CRACDL: variants seen among roughly 807,000 people sequenced by gnomAD.
The protein encoded by CRACDL is CRACD like, also known as CRACD-like protein.
CRACDL carries 26 observed loss-of-function variants against 70.6 expected under a neutral mutation model. The observed-to-expected ratio is 0.37, with a 90% confidence interval of 0.27 to 0.51. The LOEUF (loss-of-function observed/expected upper bound fraction) is 0.51, where lower values mean the gene tolerates loss of function less well. CRACDL is among the 20% of genes least tolerant of loss of function. CRACDL has a pLI of 0.94. For synonymous variants in CRACDL, 618 were observed against 615.2 expected, an observed-to-expected ratio of 1.00 and a Z score of -0.07; for missense variants, 1,283 against 1,376.9, an observed-to-expected ratio of 0.93 and a Z score of 1.08.
intron 1 of CRACDL, among the ~76,000 whole-genome samples, chr2:98,892,485 G>T (rs1468349762): frequency 6.6e-6 from 1 of 151,946 alleles, no homozygotes; most frequent in Non-Finnish European, 1.5e-5. Context: ...GAGGTAAAGA[G>T]TTCGAGTCCA....
chr2:98,833,035 C>T, intron 3 of CRACDL, 38 bp from the exon 4 acceptor site: 1 of 1,576,268 alleles, frequency 6.3e-7, no homozygotes, highest in Middle Eastern at 1.7e-4. Flanking sequence ...CTGCCCACCT[C>T]CATCTTACTG....
At chr2:98,848,655 CT>C (rs1195241267) in intron 1 of CRACDL, among the ~76,000 whole-genome samples, 1 of 152,222 alleles carries the variant, frequency 6.6e-6, no homozygotes, top group Non-Finnish European at 1.5e-5. Flanking sequence ...ACATTTTTAG[CT>C]CACTGCATCC....
intron 1 of CRACDL, among the ~76,000 whole-genome samples, chr2:98,922,789 G>A (rs546982405): frequency 1.3e-4 from 20 of 152,184 alleles, no homozygotes; most frequent in South Asian, 1.2e-3. Flanking sequence ...GAGGGGCCTG[G>A]GATGTCTCAT....
Position 98,796,179 on chromosome 2 carries a change from G to T in CRACDL, c.2690C>A (p.Ala897Glu). 6.2e-7 allele frequency: 1 copy of T among 1,614,046 alleles called. No individual in the cohort carries two copies. The part of the protein sequence containing the change: ...VKPAVDRKQG[A>E]KLNFKEGLQR... The stretch of plus-strand genomic sequence containing the variant: ...CAGCCCCTCCTTGAAGTTGAGCTTT[G>T]CCCCCTGCTTCCGGTCCACAGCGGG... The change falls in exon 9 of 10, where the codon GCA becomes GAA. Residue 897 changes from alanine (A) to glutamate (E), a missense_variant. Ala to Glu is a moderately radical substitution (Grantham distance 107, BLOSUM62 -1). Around this residue, in one of 2 missense-constraint regions of CRACDL, gnomAD observed 921 missense variants for 881.9 expected, o/e 1.04. Coordinates refer to ENST00000397899, the MANE Select transcript of CRACDL (RefSeq NM_207362.3).
intron 1 of CRACDL, among the ~76,000 whole-genome samples, chr2:98,880,797 C>A (rs1033192696): frequency 6.6e-6 from 1 of 152,170 alleles, no homozygotes; most frequent in Non-Finnish European, 1.5e-5. Context: ...CGGGAGAGCC[C>A]CCAGCCGGGG....
chr2:98,795,077 A>ATATATATATTTTTTTTTTTTTTTTTTT, intron 9 of CRACDL, among the ~76,000 whole-genome samples: 1 of 58,510 alleles, frequency 1.7e-5, no homozygotes, highest in African/African-American at 6.6e-5. Flanking sequence ...ATATATATAT[A>ATATATATATTTTTTTTTTTTTTTTTTT]TTTTTTTTTT....
chr2:98,838,302 G>T lies in CRACDL; in HGVS notation c.71-15C>A. The T allele has an allele frequency of 6.9e-7, 1 of 1,458,330 alleles. No individual in the cohort carries two copies. The highest frequency in any genetic ancestry group is 1.8e-4 in the Middle Eastern group (1 of 5,690). 90.3% of individuals were successfully genotyped at this position (1,458,330 alleles called of 1,614,324 possible). ...TTTTTTCTTTCCTATACAGATTAGA[G>T]AAAAAAATAATAAATAAGACTGTTA... On this transcript the variant is annotated splice_polypyrimidine_tract_variant and intron_variant, in intron 2 of 9. Transcript: ENST00000397899.
intron 5 of CRACDL, among the ~76,000 whole-genome samples, chr2:98,831,072 C>T (rs1410791720): frequency 6.6e-6 from 1 of 152,148 alleles, no homozygotes; most frequent in African/African-American, 2.4e-5. Flanking sequence ...AGGGTTGGCT[C>T]GGTGAAGTCT....
At position 98,823,177 on chromosome 2, in the gene CRACDL, G is replaced by A. The variant is rs938347056; in HGVS notation, c.1096C>T (p.Pro366Ser). ...SPPEGPPNPGPDGGKQDGEAP... is the reference protein window; with the variant it reads ...SPPEGPPNPGSDGGKQDGEAP... ...TCCCCATCCTGCTTTCCGCCGTCGG[G>A]ACCGGGATTCGGGGGGCCCTCCGGC... The change falls in exon 7 of 10, where the codon CCC becomes TCC. Residue 366 changes from proline to serine, a missense_variant. This residue lies in a region of CRACDL where 921 missense variants were observed against 881.9 expected (regional missense o/e 1.04). Coordinates refer to ENST00000397899, the MANE Select transcript of CRACDL (RefSeq NM_207362.3). This position sits in a 1 kb window ranked among gnomAD's most constrained non-coding sequence, Gnocchi z 4.0. 35 of 1,517,392 alleles carry A rather than the reference G, an allele frequency of 2.3e-5. 1 individual carries two copies. Among genetic ancestry groups the A allele is most frequent in the Non-Finnish European group, 3.0e-5 (34 of 1,135,712 alleles). 94.0% of individuals were successfully genotyped at this position (1,517,392 alleles called of 1,614,324 possible). A position where few individuals can be genotyped will look rare whatever the true frequency, so the allele number is the denominator to read the frequency against.
intron 1 of CRACDL, among the ~76,000 whole-genome samples, chr2:98,893,621 T>C (rs1408492346): frequency 1.3e-5 from 2 of 152,232 alleles, no homozygotes; most frequent in South Asian, 2.1e-4. Flanking sequence ...TGTGTAAACA[T>C]ATCAAAAAGA....
At chr2:98,923,099 G>A (rs1281017491) in intron 1 of CRACDL, among the ~76,000 whole-genome samples, 1 of 151,780 alleles carries the variant, frequency 6.6e-6, no homozygotes, top group African/African-American at 2.4e-5. Context: ...GTGAAATCTC[G>A]TCTCTACTAA....
chr2:98,816,690 G>T (rs912244980), intron 7 of CRACDL, among the ~76,000 whole-genome samples: 1 of 152,190 alleles, frequency 6.6e-6, no homozygotes, highest in Admixed American at 6.5e-5. Flanking sequence ...GACATGCAAG[G>T]TTAAGACACA....
intron 7 of CRACDL, among the ~76,000 whole-genome samples, chr2:98,817,791 C>T (rs1338653478): frequency 6.6e-6 from 1 of 152,090 alleles, no homozygotes; most frequent in African/African-American, 2.4e-5. Flanking sequence ...TGTCACCAAC[C>T]CTGTCTGGAG....
intron 1 of CRACDL, among the ~76,000 whole-genome samples, chr2:98,913,472 G>A (rs1263589968): frequency 6.6e-6 from 1 of 152,188 alleles, no homozygotes; most frequent in Non-Finnish European, 1.5e-5. Flanking sequence ...GGGAGTACAA[G>A]ACTGGAGCCT....
chr2:98,854,499 T>C (rs1004201307), intron 1 of CRACDL, among the ~76,000 whole-genome samples: 1 of 152,042 alleles, frequency 6.6e-6, no homozygotes, highest in African/African-American at 2.4e-5. Context: ...GAAATACTTC[T>C]GCTCATCAAA....
At chr2:98,875,077 G>A (rs1383669721) in intron 1 of CRACDL, among the ~76,000 whole-genome samples, 4 of 152,214 alleles carry the variant, frequency 2.6e-5, no homozygotes, top group African/African-American at 7.2e-5. Flanking sequence ...AGCATCTTAT[G>A]AGATCAAACC....
chr2:98,907,719 T>C (rs1274733914), intron 1 of CRACDL, among the ~76,000 whole-genome samples: 1 of 152,232 alleles, frequency 6.6e-6, no homozygotes, highest in Non-Finnish European at 1.5e-5. Context: ...TGTTGTTCCA[T>C]TCTCGAAAAC....
chr2:98,904,781 C>A (rs1257282655), intron 1 of CRACDL, among the ~76,000 whole-genome samples: 2 of 152,148 alleles, frequency 1.3e-5, no homozygotes, highest in East Asian at 1.9e-4. Context: ...CATGGTTATA[C>A]CTGCTGATAT....
At chr2:98,839,641 T>C (rs1705934169) in intron 2 of CRACDL, among the ~76,000 whole-genome samples, 1 of 152,242 alleles carries the variant, frequency 6.6e-6, no homozygotes, top group Non-Finnish European at 1.5e-5. Flanking sequence ...GGCTTAGCCA[T>C]CCATTTGTTC....
Sources: gnomAD v4.1 joint callset for allele counts (sites outside exome capture counted in the v4.1 genomes callset) on GRCh38, gnomAD v4.1.1 for gene constraint, gnomAD v4.1.1 regional missense constraint, Gnocchi (gnomAD v3.1) non-coding constraint, MANE v1.5 for transcripts, NCBI Gene and HGNC (gene_info 2026-07-23, HGNC 2026-07-21) for gene names.